PRMT7: variants seen among roughly 807,000 people sequenced by gnomAD.
The protein encoded by PRMT7 is protein arginine methyltransferase 7.
In PRMT7, 75 loss-of-function variants were observed where a neutral mutation model predicts 85.4. The observed-to-expected ratio is 0.88, with a 90% CI of 0.73 to 1.06. PRMT7 has a LOEUF of 1.06. PRMT7 is among the 50% of genes least tolerant of loss of function. The pLI is 0.00. For missense variants in PRMT7, 868 were observed against 915.2 expected, an observed-to-expected ratio of 0.95 and a Z score of 0.67; for synonymous variants, 397 against 359.5, an observed-to-expected ratio of 1.10 and a Z score of -1.18.
chr16:68,332,459 T>A (rs1198293060), intron 6 of PRMT7, among the ~76,000 whole-genome samples: 1 of 152,206 alleles, frequency 6.6e-6, no homozygotes, highest in Non-Finnish European at 1.5e-5. Flanking sequence ...CTGGAGTGTC[T>A]GCTGAGAGCT....
chr16:68,344,932 C>CTACACACACACACACACACACA (rs1555563351), intron 9 of PRMT7, among the ~76,000 whole-genome samples: 3 of 106,898 alleles, frequency 2.8e-5, no homozygotes, highest in African/African-American at 1.3e-4. Flanking sequence ...TCCTGCATCT[C>CTACACACACACACACACACACA]TACACACACA....
intron 5 of PRMT7, 115 bp from the exon 6 acceptor site, chr16:68,328,951 T>G: frequency 1.5e-6 from 1 of 671,772 alleles, no homozygotes; most frequent in Admixed American, 2.6e-5. Flanking sequence ...GAGAATAAAG[T>G]ATTTAAGTTA....
Position 68,356,757 on chromosome 16 carries a change from GCA to G in PRMT7, c.1870_1871del (p.Thr624AlafsTer75), listed in dbSNP as rs776307199. On this transcript the variant is annotated frameshift_variant, in exon 18 of 19. Transcript: ENST00000441236. LOFTEE classifies it low-confidence loss of function (END_TRUNC). ...ATGGAGTACCACCTGACCCCGGAGTGCACGCTCAGCACTGGCCTCCTGGAGCC... is the reference window on the plus strand; with the variant it reads ...ATGGAGTACCACCTGACCCCGGAGTGCGCTCAGCACTGGCCTCCTGGAGCC... The G allele has an allele frequency of 6.2e-7, 1 of 1,610,940 alleles. No individual in the cohort carries two copies. The highest frequency in any genetic ancestry group is 1.3e-5 in the African/African-American group (1 of 74,862).
rs1190016386 is a variant in PRMT7, at chr16:68,324,278, T to C, written c.133-405T>C. ...CTGGTTATGGGATCATTGGGAAAAG[T>C]TGGAGTCTGCAATCAACTGCCCCTA... is the stretch of plus-strand genomic sequence containing the variant. On this transcript the variant is annotated intron_variant, in intron 4 of 18. Transcript: ENST00000441236. 2.2e-5 allele frequency: 4 copies of C among 181,098 alleles called. No individual in the cohort carries two copies. In the South Asian group the frequency reaches 3.4e-4, roughly 15 times the overall value. The allele number at this position is 181,098 out of a possible 1,614,324, so 11.2% of individuals were successfully genotyped here. A position where few individuals can be genotyped will look rare whatever the true frequency, so the allele number is the denominator to read the frequency against.
chr16:68,341,368 G>A (rs978960123), intron 9 of PRMT7, among the ~76,000 whole-genome samples: 1 of 152,208 alleles, frequency 6.6e-6, no homozygotes, highest in African/African-American at 2.4e-5. Flanking sequence ...GGAGAGATTT[G>A]TTACTCAAAT....
intron 14 of PRMT7, among the ~76,000 whole-genome samples, chr16:68,350,375 C>T (rs752794692): frequency 2.0e-5 from 3 of 151,918 alleles, no homozygotes; most frequent in African/African-American, 7.3e-5. Flanking sequence ...CTTTTGACAT[C>T]CCCATCGGTA....
chr16:68,353,419 C>T (rs767742962), intron 15 of PRMT7, 73 bp from the exon 16 acceptor site: 1 of 1,601,736 alleles, frequency 6.2e-7, no homozygotes, highest in Non-Finnish European at 8.5e-7. Flanking sequence ...GCAAGATGTG[C>T]CTCTTGTTCT....
chr16:68,340,106 A>T (rs189102147), intron 9 of PRMT7, 138 bp downstream of exon 9: 23,658 of 1,004,132 alleles, frequency 0.024, 344 homozygotes, highest in Non-Finnish European at 0.03. Context: ...AAAAGTTTTT[A>T]AAAAGCAAGC....
At chr16:68,330,046 A>G (rs141732982) in intron 6 of PRMT7, among the ~76,000 whole-genome samples, 4,848 of 152,034 alleles carry the variant, frequency 0.032, 250 homozygotes, top group African/African-American at 0.11. Flanking sequence ...GGTGCCTGCC[A>G]CCACACCTGG....
chr16:68,323,235 A>G (rs199992554), intron 4 of PRMT7, among the ~76,000 whole-genome samples: 34 of 60,990 alleles, frequency 5.6e-4, no homozygotes, highest in Admixed American at 3.2e-3. Context: ...TTTTTTTTTT[A>G]ACAAGAATGA....
intron 9 of PRMT7, among the ~76,000 whole-genome samples, chr16:68,341,355 G>A (rs549247887): frequency 6.6e-5 from 10 of 152,294 alleles, no homozygotes; most frequent in African/African-American, 1.9e-4. Flanking sequence ...CACACCACGT[G>A]GGGGAGAGAT....
At chr16:68,353,282 G>A (rs2087689078) in intron 15 of PRMT7, 2 of 1,069,296 alleles carry the variant, frequency 1.9e-6, no homozygotes, top group Admixed American at 3.5e-5. Flanking sequence ...TATAGGAGAG[G>A]ACTCAGGTGT....
At chr16:68,353,637 G>C (rs554986673) in intron 16 of PRMT7, 71 bp downstream of exon 16, 505 of 1,418,762 alleles carry the variant, frequency 3.6e-4, no homozygotes, top group Non-Finnish European at 4.5e-4. Context: ...CAGGGTCCCA[G>C]CTTGGGCAGC....
intron 7 of PRMT7, among the ~76,000 whole-genome samples, chr16:68,338,790 C>T (rs529267402): frequency 2.8e-4 from 43 of 152,240 alleles, no homozygotes; most frequent in South Asian, 1.0e-3. Flanking sequence ...GTGCTCTTGC[C>T]GGGTCCCTAT....
intron 15 of PRMT7, among the ~76,000 whole-genome samples, chr16:68,353,179 G>A (rs1257927251): frequency 1.3e-5 from 2 of 152,106 alleles, no homozygotes; most frequent in Non-Finnish European, 2.9e-5. Flanking sequence ...GGAGAGAATT[G>A]GCTTACAGAT....
chr16:68,358,570 GT>G lies in PRMT7; in HGVS notation c.*1351del. On this transcript the variant is annotated 3_prime_UTR_variant, in exon 19 of 19. Transcript: ENST00000441236. ...AGAAAAAAATACAGAAATTAAAAAA[GT>G]TTTTATAACAGTATTTCTAAATCTC... The G allele has an allele frequency of 6.6e-6, 1 of 152,608 alleles. No homozygotes were observed. The highest frequency in any genetic ancestry group is 2.4e-5 in the African/African-American group (1 of 41,446). The allele number at this position is 152,608 out of a possible 1,614,324, so 9.5% of individuals were successfully genotyped here.
chr16:68,335,672 G>GTC (rs1327208838), intron 6 of PRMT7, among the ~76,000 whole-genome samples: 1 of 151,986 alleles, frequency 6.6e-6, no homozygotes, highest in Admixed American at 6.6e-5. Flanking sequence ...GCAACTGATG[G>GTC]TCAGAACGGA....
chr16:68,345,145 A>G (rs531561352), intron 9 of PRMT7, among the ~76,000 whole-genome samples: 1 of 152,310 alleles, frequency 6.6e-6, no homozygotes, highest in Admixed American at 6.5e-5. Flanking sequence ...TATGGTTCAA[A>G]ATAAAATTTG....
chr16:68,347,848 T>G (rs1483367337), intron 13 of PRMT7, among the ~76,000 whole-genome samples, 170 bp downstream of exon 13: 1 of 152,218 alleles, frequency 6.6e-6, no homozygotes, highest in Non-Finnish European at 1.5e-5. Flanking sequence ...GAGCTGTCAC[T>G]GAAATAGAGG....
Sources: gnomAD v4.1 joint callset for allele counts (sites outside exome capture counted in the v4.1 genomes callset) on GRCh38, gnomAD v4.1.1 for gene constraint, MANE v1.5 for transcripts, NCBI Gene and HGNC (gene_info 2026-07-23, HGNC 2026-07-21) for gene names.